The following KCNK10 variants were observed in gnomAD, a reference collection of about 807,000 sequenced individuals.
KCNK10 encodes potassium two pore domain channel subfamily K member 10, also known as potassium channel subfamily K member 10.
A neutral mutation model predicts 47.7 loss-of-function variants in KCNK10; 25 were observed. The observed-to-expected ratio is 0.52, with a 90% confidence interval of 0.38 to 0.73. KCNK10 has a LOEUF of 0.73. Ranked by LOEUF, KCNK10 falls within the 30% of genes least tolerant of loss-of-function variation. The probability of loss-of-function intolerance (pLI) is 0.00; values close to 1 mark genes in which losing one functional copy is unlikely to be tolerated. For synonymous variants in KCNK10, 303 were observed against 285.6 expected (o/e 1.06, Z -0.61); for missense variants, 563 against 714.5 (o/e 0.79, Z 2.42).
chr14:88,230,331 G>A (rs533518296), intron 3 of KCNK10, among the ~76,000 whole-genome samples: 9 of 152,276 alleles, frequency 5.9e-5, no homozygotes, highest in East Asian at 3.9e-4. Context: ...TTCAGCAGAA[G>A]ACAACCAACT....
chr14:88,194,973 T>C (rs1397180215), intron 4 of KCNK10, among the ~76,000 whole-genome samples: 1 of 152,132 alleles, frequency 6.6e-6, no homozygotes, highest in Non-Finnish European at 1.5e-5. Context: ...GCGTAAGGTT[T>C]TAGCAATATC....
chr14:88,311,304 T>A (rs1017471596), intron 1 of KCNK10, among the ~76,000 whole-genome samples: 1 of 151,640 alleles, frequency 6.6e-6, no homozygotes, highest in Non-Finnish European at 1.5e-5. Flanking sequence ...TCCTCCCACT[T>A]CAAATCAATC....
intron 1 of KCNK10, among the ~76,000 whole-genome samples, chr14:88,271,496 C>T (rs1887405060): frequency 6.6e-6 from 1 of 152,184 alleles, no homozygotes. Flanking sequence ...CTAGAGTGGA[C>T]AGACAAGAGA....
At chr14:88,201,456 T>A (rs1397440543) in intron 4 of KCNK10, among the ~76,000 whole-genome samples, 2 of 152,048 alleles carry the variant, frequency 1.3e-5, no homozygotes, top group African/African-American at 2.4e-5. Context: ...GGTCAGGAGT[T>A]CGAGACCAGC....
At chr14:88,311,373 C>T (rs1888325407) in intron 1 of KCNK10, among the ~76,000 whole-genome samples, 1 of 152,172 alleles carries the variant, frequency 6.6e-6, no homozygotes, top group Admixed American at 6.5e-5. Context: ...ACCTACTATG[C>T]CCTACATGAC....
chr14:88,321,709 A>G (rs530978876), intron 1 of KCNK10, among the ~76,000 whole-genome samples: 5 of 152,342 alleles, frequency 3.3e-5, no homozygotes, highest in South Asian at 2.1e-4. Context: ...TACTCAACAA[A>G]TAAGATGGTT....
chr14:88,274,549 T>A (rs1346352006), intron 1 of KCNK10, among the ~76,000 whole-genome samples: 11 of 40,502 alleles, frequency 2.7e-4, no homozygotes, highest in East Asian at 8.9e-4. Flanking sequence ...AGACTCTATC[T>A]AAAAAAAAAA....
At chr14:88,236,730 T>C (rs1449641024) in intron 3 of KCNK10, among the ~76,000 whole-genome samples, 1 of 152,384 alleles carries the variant, frequency 6.6e-6, no homozygotes, top group Middle Eastern at 3.4e-3. Flanking sequence ...GTTTACACTC[T>C]ACTACAGTCT....
In KCNK10 at chr14:88,186,991, G is replaced by A. The variant is rs1884584556; in HGVS notation, c.1012-836C>T. Among the ~76,000 whole-genome samples the A allele has an allele frequency of 6.6e-6, 1 of 152,190 alleles. No homozygotes were observed. The highest frequency in any genetic ancestry group is 2.4e-5 in the African/African-American group (1 of 41,446). ...TCCCATGCTTCCCTCTGCAAATGAGGAACTCAAATTTGTGCATCCAGGAAA... is the reference window on the plus strand; with the variant it reads ...TCCCATGCTTCCCTCTGCAAATGAGAAACTCAAATTTGTGCATCCAGGAAA... On this transcript the variant is annotated intron_variant, in intron 6 of 6. Transcript: ENST00000319231. This position sits in a 1 kb window ranked among gnomAD's most constrained non-coding sequence, Gnocchi z 5.5.
chr14:88,302,313 C>G (rs1158970448), intron 1 of KCNK10, among the ~76,000 whole-genome samples: 1 of 152,164 alleles, frequency 6.6e-6, no homozygotes, highest in Non-Finnish European at 1.5e-5. Flanking sequence ...CAGATCCTGA[C>G]AAGAAGGACC....
chr14:88,192,495 T>C, intron 4 of KCNK10, 85 bp from the exon 5 acceptor site: 8 of 1,174,152 alleles, frequency 6.8e-6, no homozygotes, highest in Non-Finnish European at 9.8e-6. Flanking sequence ...CGGTACTGTG[T>C]CAGTGACTTT....
At chr14:88,264,508 A>T (rs1283985855) in intron 1 of KCNK10, among the ~76,000 whole-genome samples, 1 of 152,160 alleles carries the variant, frequency 6.6e-6, no homozygotes, top group Non-Finnish European at 1.5e-5. Flanking sequence ...AAACAGTCCC[A>T]CTCCAGCAGG....
intron 4 of KCNK10, among the ~76,000 whole-genome samples, chr14:88,195,746 A>T (rs1057143352): frequency 2.0e-5 from 3 of 152,030 alleles, no homozygotes; most frequent in African/African-American, 7.2e-5. Context: ...ATTTTTCATC[A>T]TCCTTCCGAA....
At chr14:88,188,360 C>T (rs1884640844) in intron 5 of KCNK10, among the ~76,000 whole-genome samples, 1 of 152,156 alleles carries the variant, frequency 6.6e-6, no homozygotes, top group African/African-American at 2.4e-5. Context: ...ATAAAAAACG[C>T]CAGTGGCCAA....
intron 1 of KCNK10, among the ~76,000 whole-genome samples, chr14:88,282,143 G>T (rs1044635964): frequency 6.6e-6 from 1 of 152,094 alleles, no homozygotes; most frequent in African/African-American, 2.4e-5. Context: ...GAAGATGTTT[G>T]TTATATAGTA....
rs1054173193 is a variant in KCNK10, at chr14:88,186,540, A to G, written c.1012-385T>C. On this transcript the variant is annotated intron_variant, in intron 6 of 6. Coordinates refer to ENST00000319231, the MANE Select transcript of KCNK10 (RefSeq NM_138317.3). This position sits in a 1 kb window ranked among gnomAD's most constrained non-coding sequence, Gnocchi z 5.5. Reference sequence around the variant, plus strand: ...CCCCAACATACACTTGAGTGACCATATATAGCTCACCTGAGACAAGGAAAT... The same window carrying G: ...CCCCAACATACACTTGAGTGACCATGTATAGCTCACCTGAGACAAGGAAAT... Among the ~76,000 whole-genome samples, 3 of 152,130 alleles carry G rather than the reference A, an allele frequency of 2.0e-5. No homozygotes were observed. The highest frequency in any genetic ancestry group is 2.0e-4 in the Admixed American group (3 of 15,284).
chr14:88,319,134 T>C (rs1270060454), intron 1 of KCNK10, among the ~76,000 whole-genome samples: 1 of 152,176 alleles, frequency 6.6e-6, no homozygotes, highest in African/African-American at 2.4e-5. Context: ...TCCATGAATA[T>C]GAAGGAAGGC....
At chr14:88,207,259 G>A (rs534085482) in intron 4 of KCNK10, among the ~76,000 whole-genome samples, 110 of 139,974 alleles carry the variant, frequency 7.9e-4, no homozygotes, top group Non-Finnish European at 5.6e-4. Context: ...TGCAAGCTCC[G>A]CCTCCCAGGT....
At chr14:88,244,572 G>A (rs569241150) in intron 2 of KCNK10, among the ~76,000 whole-genome samples, 2 of 152,198 alleles carry the variant, frequency 1.3e-5, no homozygotes, top group East Asian at 3.9e-4. Flanking sequence ...GGAGGCTGAG[G>A]CAGGAGAATG....
Sources: allele counts gnomAD v4.1 joint callset (sites outside exome capture counted in the v4.1 genomes callset), GRCh38; gene constraint gnomAD v4.1.1; non-coding constraint Gnocchi (gnomAD v3.1); transcripts MANE v1.5; gene names NCBI Gene and HGNC (gene_info 2026-07-23, HGNC 2026-07-21).